The following ZNF609 variants were observed in gnomAD, a reference collection of about 807,000 sequenced individuals.
ZNF609 encodes the protein zinc finger protein 609.
A neutral mutation model predicts 109.5 loss-of-function variants in ZNF609; 11 were observed. The ratio of observed to expected loss-of-function variants is 0.10; its 90% CI spans 0.06 to 0.17. The LOEUF (loss-of-function observed/expected upper bound fraction) is 0.17, where lower values mean the gene tolerates loss of function less well. ZNF609 is among the 10% of genes least tolerant of loss of function. The pLI, the probability that ZNF609 is intolerant of heterozygous loss-of-function variation, is 1.00. For missense variants in ZNF609, 1,559 were observed against 1,772.4 expected, an observed-to-expected ratio of 0.88 and a Z score of 2.16; for synonymous variants, 646 against 662.0, an observed-to-expected ratio of 0.98 and a Z score of 0.37.
chr15:64,685,953 C>T lies in ZNF609; in HGVS notation c.*4267C>T, dbSNP rs929785924. ...CTCTTTTCCTCTACCTTCCTCATCCCCACTTTTTTCCCTTTCTCTCTACTT... is the reference window on the plus strand; with the variant it reads ...CTCTTTTCCTCTACCTTCCTCATCCTCACTTTTTTCCCTTTCTCTCTACTT... On this transcript the variant is annotated 3_prime_UTR_variant, in exon 10 of 10. Coordinates refer to ENST00000326648, the MANE Select transcript of ZNF609 (RefSeq NM_015042.2). 6.6e-6 allele frequency: 1 copy of T among 152,188 alleles called. No homozygotes were observed. Among genetic ancestry groups the T allele is most frequent in the Admixed American group, 6.5e-5 (1 of 15,280 alleles). 9.4% of individuals were successfully genotyped at this position (152,188 alleles called of 1,614,324 possible). A position where few individuals can be genotyped will look rare whatever the true frequency, so the allele number is the denominator to read the frequency against.
chr15:64,604,153 C>T (rs1427988490), intron 2 of ZNF609, among the ~76,000 whole-genome samples: 1 of 152,132 alleles, frequency 6.6e-6, no homozygotes, highest in African/African-American at 2.4e-5. Flanking sequence ...CTCACCCAAC[C>T]TTGGGACAGG....
chr15:64,678,312 G>T lies in ZNF609; in HGVS notation c.3599G>T (p.Arg1200Leu), dbSNP rs143459509. The T allele has an allele frequency of 5.0e-5, 80 of 1,613,992 alleles. No individual in the cohort carries two copies. The highest frequency in any genetic ancestry group is 6.8e-5 in the Non-Finnish European group (80 of 1,180,038). ...AAGCTGCCCACGTCAGAGGAGTCTCGCCTTGGGAGCAAGGAGCCCCGGCCA... is the reference window on the plus strand; with the variant it reads ...AAGCTGCCCACGTCAGAGGAGTCTCTCCTTGGGAGCAAGGAGCCCCGGCCA... Reference protein sequence around the residue: ...DCKLPTSEESRLGSKEPRPSV... With the variant: ...DCKLPTSEESLLGSKEPRPSV... Residue 1200 changes from arginine (R) to leucine (L), a missense_variant, in exon 6 of 10, where the codon CGC (arginine) becomes CTC (leucine). Around this residue, in one of 4 missense-constraint regions of ZNF609, gnomAD observed 1,204 missense variants for 1,314.1 expected, o/e 0.92. Transcript: ENST00000326648.
chr15:64,640,308 G>C (rs1012000640), intron 3 of ZNF609, among the ~76,000 whole-genome samples: 1 of 152,136 alleles, frequency 6.6e-6, no homozygotes, highest in African/African-American at 2.4e-5. Flanking sequence ...AACATGCTGG[G>C]ATTATAGGCA....
At chr15:64,576,277 A>G (rs1894951606) in intron 2 of ZNF609, among the ~76,000 whole-genome samples, 1 of 152,176 alleles carries the variant, frequency 6.6e-6, no homozygotes, top group African/African-American at 2.4e-5. Context: ...GTTATTAATA[A>G]TAATCTTTTA....
Position 64,685,815 on chromosome 15 carries a change from C to G in ZNF609, c.*4129C>G, listed in dbSNP as rs2083237340. The G allele has an allele frequency of 6.6e-6, 1 of 152,528 alleles. No homozygotes were observed. The highest frequency in any genetic ancestry group is 1.5e-5 in the Non-Finnish European group (1 of 68,082). The allele number at this position is 152,528 out of a possible 1,614,324, so 9.4% of individuals were successfully genotyped here. On this transcript the variant is annotated 3_prime_UTR_variant, in exon 10 of 10. Transcript: ENST00000326648. Reference sequence around the variant, plus strand: ...ATTCCCAGCTGGTGGACTCCTGTGGCTACCCCATCAGAACAAGGGCTAAGG... The same window carrying G: ...ATTCCCAGCTGGTGGACTCCTGTGGGTACCCCATCAGAACAAGGGCTAAGG...
intron 2 of ZNF609, among the ~76,000 whole-genome samples, chr15:64,579,483 G>A (rs772591579): frequency 1.3e-5 from 2 of 151,878 alleles, no homozygotes; most frequent in Non-Finnish European, 2.9e-5. Context: ...GGCCTAGGCA[G>A]GTGGATCATT....
At chr15:64,637,249 A>G (rs1896189936) in intron 3 of ZNF609, among the ~76,000 whole-genome samples, 1 of 152,190 alleles carries the variant, frequency 6.6e-6, no homozygotes, top group African/African-American at 2.4e-5. Flanking sequence ...TATTTTCATT[A>G]TAGTATTCCA....
chr15:64,557,459 T>G lies in ZNF609; in HGVS notation c.747+57293T>G, dbSNP rs560778528. Among the ~76,000 whole-genome samples, 123 of 152,112 alleles carry G rather than the reference T, an allele frequency of 8.1e-4. 1 individual carries two copies. The highest frequency in any genetic ancestry group is 1.5e-3 in the Non-Finnish European group (100 of 68,030). On this transcript the variant is annotated intron_variant, in intron 2 of 9. Coordinates refer to ENST00000326648, the MANE Select transcript of ZNF609 (RefSeq NM_015042.2). ...GTGAAACTGAAATATTTAGTCCAAATTTTTATTCAGCAATGAATAAAAATT... is the reference window on the plus strand; with the variant it reads ...GTGAAACTGAAATATTTAGTCCAAAGTTTTATTCAGCAATGAATAAAAATT...
intron 2 of ZNF609, chr15:64,529,479 G>C: frequency 1.9e-6 from 2 of 1,065,716 alleles, no homozygotes; most frequent in Non-Finnish European, 2.9e-6. Context: ...CAAGCGTCCC[G>C]TTCTCAGCCT....
At position 64,676,074 on chromosome 15, in the gene ZNF609, C is replaced by T; in HGVS notation, c.3220C>T (p.Pro1074Ser). ...CAAGGCCAAGGAGCCAGGGGCTGAC[C>T]CAGCCAAATCAGTCATCATTCCCAA... The part of the protein sequence containing the change: ...PGKAKEPGAD[P>S]AKSVIIPKLD... The change falls in exon 5 of 10, where the codon CCA becomes TCA. Residue 1074 changes from proline (P) to serine (S), a missense_variant. Physicochemically the swap from Pro to Ser is moderately conservative, Grantham distance 74. Transcript: ENST00000326648. The T allele has an allele frequency of 6.2e-7, 1 of 1,614,214 alleles. No homozygotes were observed. Among genetic ancestry groups the T allele is most frequent in the East Asian group, 2.2e-5 (1 of 44,880 alleles).
intron 2 of ZNF609, among the ~76,000 whole-genome samples, chr15:64,621,672 T>C (rs994706280): frequency 6.6e-6 from 1 of 152,110 alleles, no homozygotes; most frequent in Non-Finnish European, 1.5e-5. Context: ...AACTTTTATG[T>C]TGTCTCTAGA....
chr15:64,500,217 C>T, intron 2 of ZNF609, 51 bp downstream of exon 2: 1 of 1,589,470 alleles, frequency 6.3e-7, no homozygotes, highest in Non-Finnish European at 8.5e-7. Flanking sequence ...CAGAACTGCC[C>T]TGGACTAACT....
chr15:64,537,702 A>T (rs958314197), intron 2 of ZNF609, among the ~76,000 whole-genome samples: 1 of 152,244 alleles, frequency 6.6e-6, no homozygotes, highest in African/African-American at 2.4e-5. Context: ...AAAAATTTAC[A>T]TAGAAAGAAG....
intron 2 of ZNF609, among the ~76,000 whole-genome samples, chr15:64,506,459 G>A (rs1405163717): frequency 3.4e-5 from 5 of 147,298 alleles, no homozygotes; most frequent in South Asian, 2.3e-4. Context: ...GGTGGCTCAC[G>A]CCTATAATCC....
chr15:64,558,818 T>C (rs1894632735), intron 2 of ZNF609, among the ~76,000 whole-genome samples: 2 of 152,224 alleles, frequency 1.3e-5, no homozygotes, highest in African/African-American at 2.4e-5. Context: ...AACTTAACTA[T>C]TGAGGTTTAT....
At chr15:64,471,322 C>T (rs1893087403) in intron 1 of ZNF609, 1 of 151,682 alleles carries the variant, frequency 6.6e-6, no homozygotes, top group Non-Finnish European at 1.5e-5. Flanking sequence ...GATTGCCCCC[C>T]TGTACTCTAG....
At chr15:64,622,258 C>A (rs1895887883) in intron 2 of ZNF609, among the ~76,000 whole-genome samples, 1 of 152,122 alleles carries the variant, frequency 6.6e-6, no homozygotes, top group Non-Finnish European at 1.5e-5. Flanking sequence ...TTCCTTCTAG[C>A]CAAAGATGTA....
chr15:64,524,405 A>G (rs1893939170), intron 2 of ZNF609, among the ~76,000 whole-genome samples: 1 of 152,138 alleles, frequency 6.6e-6, no homozygotes, highest in Admixed American at 6.5e-5. Flanking sequence ...CTCTACTAAA[A>G]ATACAAAAAT....
At chr15:64,665,095 G>C (rs998550281) in intron 3 of ZNF609, among the ~76,000 whole-genome samples, 1 of 152,224 alleles carries the variant, frequency 6.6e-6, no homozygotes, top group Admixed American at 6.5e-5. Flanking sequence ...TAGCTAGAGA[G>C]AATTTAGCCT....
Sources: allele counts gnomAD v4.1 joint callset (sites outside exome capture counted in the v4.1 genomes callset), GRCh38; gene constraint gnomAD v4.1.1; regional missense constraint gnomAD v4.1.1; transcripts MANE v1.5; gene names NCBI Gene and HGNC (gene_info 2026-07-23, HGNC 2026-07-21).